DCBLD2: variants seen among roughly 807,000 people sequenced by gnomAD.
The protein encoded by DCBLD2 is discoidin, CUB and LCCL domain-containing protein 2.
In DCBLD2, 54 loss-of-function variants were observed where a neutral mutation model predicts 86.8. The ratio of observed to expected loss-of-function variants is 0.62; its 90% CI spans 0.50 to 0.78. DCBLD2 has a LOEUF of 0.78. DCBLD2 is among the 30% of genes least tolerant of loss of function. DCBLD2 has a pLI of 0.00. For synonymous variants in DCBLD2, 354 were observed against 341.3 expected, an observed-to-expected ratio of 1.04 and a Z score of -0.41; for missense variants, 908 against 954.2, an observed-to-expected ratio of 0.95 and a Z score of 0.64.
chr3:98,798,841 A>G lies in DCBLD2; in HGVS notation c.*531T>C, dbSNP rs73136073. ...ATCCCAGCTACAGATCTTAAGATGG[A>G]TAAGTGGATATGGCTGCAATAAAAA... On this transcript the variant is annotated 3_prime_UTR_variant, in exon 16 of 16. Transcript: ENST00000326840. The G allele has an allele frequency of 0.023, 3,539 of 152,844 alleles. 51 individuals are homozygous for G. Among genetic ancestry groups the G allele is most frequent in the Non-Finnish European group, 0.035 (2,373 of 68,358 alleles). The allele number at this position is 152,844 out of a possible 1,614,324, so 9.5% of individuals were successfully genotyped here. A position where few individuals can be genotyped will look rare whatever the true frequency, so the allele number is the denominator to read the frequency against.
intron 2 of DCBLD2, among the ~76,000 whole-genome samples, chr3:98,868,001 C>T (rs946267705): frequency 6.6e-6 from 1 of 151,982 alleles, no homozygotes; most frequent in Non-Finnish European, 1.5e-5. Context: ...GACGGGGTTT[C>T]ACCTTGTTAG....
intron 1 of DCBLD2, among the ~76,000 whole-genome samples, chr3:98,890,763 T>A (rs1435606187): frequency 6.6e-6 from 1 of 152,102 alleles, no homozygotes; most frequent in Non-Finnish European, 1.5e-5. Flanking sequence ...ACCTTAACTG[T>A]ATGTAACCTT....
rs571787840 is a variant in DCBLD2 at position 98,866,124 on chromosome 3, G to A, written c.433+15416C>T. The stretch of plus-strand genomic sequence containing the variant: ...CAGTCTATCATTGATGGACATCTGG[G>A]TTGGTTCCAAGTCTTTGCTATTGTG... On this transcript the variant is annotated intron_variant, in intron 2 of 15. Coordinates refer to ENST00000326840, the MANE Select transcript of DCBLD2 (RefSeq NM_080927.4). Among the ~76,000 whole-genome samples, 151 of 152,188 alleles carry A rather than the reference G, an allele frequency of 9.9e-4. 1 individual carries two copies. In the East Asian group the frequency reaches 0.016, roughly 17 times the overall value.
At chr3:98,839,168 T>TTCC (rs1553727052) in intron 3 of DCBLD2, among the ~76,000 whole-genome samples, 1 of 58,890 alleles carries the variant, frequency 1.7e-5, no homozygotes, top group African/African-American at 4.9e-5. Flanking sequence ...TCTTTCTTTC[T>TTCC]TTCCTTTCTT....
chr3:98,859,285 C>T lies in DCBLD2; in HGVS notation c.434-9687G>A, dbSNP rs370717635. 4.7e-4 allele frequency among the ~76,000 whole-genome samples: 71 copies of T among 152,334 alleles called. No individual in the cohort carries two copies. In the East Asian group the frequency reaches 0.012, roughly 26 times the overall value. ...AAGGAGGCCTGCCTGCCTCTGTAGA[C>T]TCCACCTCTGGGGGCAGGGCATAGC... On this transcript the variant is annotated intron_variant, in intron 2 of 15. Transcript: ENST00000326840.
At chr3:98,847,217 A>G (rs1576179057) in intron 3 of DCBLD2, among the ~76,000 whole-genome samples, 1 of 62,618 alleles carries the variant, frequency 1.6e-5, no homozygotes, top group Non-Finnish European at 3.9e-5. Flanking sequence ...TACAAACAGT[A>G]CACATGTTTT....
intron 2 of DCBLD2, among the ~76,000 whole-genome samples, chr3:98,877,473 T>C (rs991185484): frequency 2.6e-5 from 4 of 152,050 alleles, no homozygotes; most frequent in African/African-American, 9.7e-5. Context: ...GTCAGAGAAG[T>C]GAGTTAGAAA....
Position 98,820,270 on chromosome 3 carries a change from A to G in DCBLD2, c.849T>C (p.Ser283=). 1 of 1,472,326 alleles carries G rather than the reference A, an allele frequency of 6.8e-7. No individual in the cohort carries two copies. The highest frequency in any genetic ancestry group is 2.5e-5 in the East Asian group (1 of 39,848). 91.2% of individuals were successfully genotyped at this position (1,472,326 alleles called of 1,614,324 possible). A position where few individuals can be genotyped will look rare whatever the true frequency, so the allele number is the denominator to read the frequency against. ...TACCACTTGTCTTAAATGTAAAAAGACTTGTAGATAAGTGTCCCCTGAAAG... is the reference window on the plus strand; with the variant it reads ...TACCACTTGTCTTAAATGTAAAAAGGCTTGTAGATAAGTGTCCCCTGAAAG... ...VTSVVGHLST[S]LFTFKTSGCY... is the part of the protein sequence containing the mutation. Residue 283 remains serine, a synonymous_variant, in exon 7 of 16, where the codon AGT becomes AGC. Transcript: ENST00000326840.
At chr3:98,823,471 A>T (rs140251559) in intron 4 of DCBLD2, among the ~76,000 whole-genome samples, 2 of 152,254 alleles carry the variant, frequency 1.3e-5, no homozygotes, top group Non-Finnish European at 2.9e-5. Context: ...CACCCAACAC[A>T]TTTATTTGAG....
intron 2 of DCBLD2, among the ~76,000 whole-genome samples, chr3:98,858,075 A>G (rs1942970156): frequency 6.6e-6 from 1 of 152,216 alleles, no homozygotes; most frequent in Non-Finnish European, 1.5e-5. Context: ...GGTGGGGGGC[A>G]GGCTCAGGCA....
chr3:98,862,379 A>G (rs1390389653), intron 2 of DCBLD2, among the ~76,000 whole-genome samples: 1 of 152,246 alleles, frequency 6.6e-6, no homozygotes, highest in Non-Finnish European at 1.5e-5. Context: ...TGAGGCCAGC[A>G]TCATCCTGAT....
At chr3:98,888,836 G>C (rs940787644) in intron 1 of DCBLD2, among the ~76,000 whole-genome samples, 2 of 152,006 alleles carry the variant, frequency 1.3e-5, no homozygotes, top group African/African-American at 4.8e-5. Flanking sequence ...CTGCAGTTCA[G>C]TAACTCACTC....
At chr3:98,897,209 G>C (rs945873027) in intron 1 of DCBLD2, among the ~76,000 whole-genome samples, 1 of 152,088 alleles carries the variant, frequency 6.6e-6, no homozygotes, top group African/African-American at 2.4e-5. Context: ...AAAATAATAT[G>C]TTCTTTTTGT....
intron 1 of DCBLD2, among the ~76,000 whole-genome samples, chr3:98,884,069 C>A (rs547931388): frequency 2.3e-4 from 35 of 151,998 alleles, no homozygotes; most frequent in African/African-American, 8.4e-4. Context: ...AACTTTGTAC[C>A]TAAATTCTTA....
chr3:98,796,402 G>A lies in DCBLD2; in HGVS notation c.*2970C>T, dbSNP rs912181495. ...GTTCAGAACCAAAAAGCAGAGAATC[G>A]TTTCATGTGACATGATGTTTCTATA... On this transcript the variant is annotated 3_prime_UTR_variant, in exon 16 of 16. Coordinates refer to ENST00000326840, the MANE Select transcript of DCBLD2 (RefSeq NM_080927.4). 1.3e-5 allele frequency: 2 copies of A among 152,640 alleles called. No individual in the cohort carries two copies. Among genetic ancestry groups the A allele is most frequent in the Non-Finnish European group, 2.9e-5 (2 of 68,040 alleles). 9.5% of individuals were successfully genotyped at this position (152,640 alleles called of 1,614,324 possible). A position where few individuals can be genotyped will look rare whatever the true frequency, so the allele number is the denominator to read the frequency against.
chr3:98,858,169 G>T (rs894274819), intron 2 of DCBLD2, among the ~76,000 whole-genome samples: 2 of 152,236 alleles, frequency 1.3e-5, no homozygotes, highest in Non-Finnish European at 2.9e-5. Flanking sequence ...TGGCCCAGGT[G>T]CTAAGCACCT....
intron 2 of DCBLD2, among the ~76,000 whole-genome samples, chr3:98,874,850 C>A (rs1943340551): frequency 6.6e-6 from 1 of 152,178 alleles, no homozygotes; most frequent in Admixed American, 6.5e-5. Flanking sequence ...AGAGCCCTCA[C>A]CAGAAACTGA....
At chr3:98,867,981 T>G (rs972043084) in intron 2 of DCBLD2, among the ~76,000 whole-genome samples, 2 of 152,064 alleles carry the variant, frequency 1.3e-5, no homozygotes, top group Non-Finnish European at 2.9e-5. Flanking sequence ...TTTTTTGTAT[T>G]TTCAGTAGAG....
intron 2 of DCBLD2, among the ~76,000 whole-genome samples, chr3:98,867,397 T>A (rs956245239): frequency 6.6e-6 from 1 of 152,178 alleles, no homozygotes; most frequent in Non-Finnish European, 1.5e-5. Flanking sequence ...GGTTTGTAGT[T>A]CTCCTTGAAG....
Sources: gnomAD v4.1 joint callset for allele counts (sites outside exome capture counted in the v4.1 genomes callset) on GRCh38, gnomAD v4.1.1 for gene constraint, MANE v1.5 for transcripts, NCBI Gene and HGNC (gene_info 2026-07-23, HGNC 2026-07-21) for gene names.